The following RYR2 variants were observed in gnomAD, a reference collection of about 807,000 sequenced individuals.
RYR2 encodes ryanodine receptor 2, also known as cardiac muscle ryanodine receptor-calcium release channel.
A neutral mutation model predicts 601.1 loss-of-function variants in RYR2; 227 were observed. That is an observed-to-expected ratio of 0.38 (90% CI 0.34 to 0.42). The LOEUF (loss-of-function observed/expected upper bound fraction) is 0.42. Among genes scored for constraint, RYR2 ranks in the 10% least tolerant of loss-of-function variants. RYR2 has a pLI of 1.00. For missense variants in RYR2, 4,646 were observed against 6,156.5 expected (o/e 0.75, Z 8.21); for synonymous variants, 2,223 against 2,175.1 (o/e 1.02, Z -0.61).
intron 24 of RYR2, among the ~76,000 whole-genome samples, chr1:237,513,209 G>A (rs151328931): frequency 8.0e-4 from 122 of 152,274 alleles, no homozygotes; most frequent in African/African-American, 2.7e-3. Context: ...ATAAAGGAAG[G>A]AATATAATTT....
chr1:237,454,393 GC>G lies in RYR2; in HGVS notation c.1297del (p.Asp434MetfsTer16). The stretch of plus-strand genomic sequence containing the variant: ...GAAATGTTTATGGTTTATTTTAGGG[GC>G]CTTGATGCTCTCAGCAAGAAAGCGA... ...TVFLFNRFIR[G>X]LDALSKKAKA... On this transcript the variant is annotated frameshift_variant, in exon 15 of 105. Transcript: ENST00000366574. LOFTEE classifies it high-confidence loss of function. The G allele has an allele frequency of 6.2e-7, 1 of 1,603,292 alleles. No individual in the cohort carries two copies. The highest frequency in any genetic ancestry group is 8.5e-7 in the Non-Finnish European group (1 of 1,175,482).
chr1:237,464,744 A>G (rs1049087708), intron 16 of RYR2, among the ~76,000 whole-genome samples: 8 of 152,180 alleles, frequency 5.3e-5, no homozygotes, highest in African/African-American at 7.2e-5. Flanking sequence ...GAATCATGCT[A>G]TCAATGTTCT....
intron 29 of RYR2, among the ~76,000 whole-genome samples, chr1:237,573,892 C>T (rs559427090): frequency 9.2e-5 from 14 of 152,148 alleles, no homozygotes; most frequent in African/African-American, 3.4e-4. Flanking sequence ...GGGACTGCAG[C>T]AGCCCTCAGG....
At chr1:237,257,130 T>C (rs1163266361) in intron 1 of RYR2, among the ~76,000 whole-genome samples, 2 of 152,224 alleles carry the variant, frequency 1.3e-5, no homozygotes, top group Admixed American at 1.3e-4. Flanking sequence ...TGTCTTTTAA[T>C]GCAGTGATTT....
rs560549123 is a variant in RYR2, at chr1:237,456,798, T to G, written c.1612+63T>G. ...CTATTTAAAATGTCCATAAATGGACTAGGTGTGATGGCTCATGCCTGTAAT... is the reference window on the plus strand; with the variant it reads ...CTATTTAAAATGTCCATAAATGGACGAGGTGTGATGGCTCATGCCTGTAAT... On this transcript the variant is annotated intron_variant, in intron 16 of 104. Transcript: ENST00000366574. 1.0e-5 allele frequency: 16 copies of G among 1,536,572 alleles called. No individual in the cohort carries two copies. In the African/African-American group the frequency reaches 1.9e-4, roughly 18 times the overall value.
At chr1:237,478,298 A>G (rs919285790) in intron 17 of RYR2, among the ~76,000 whole-genome samples, 2 of 152,168 alleles carry the variant, frequency 1.3e-5, no homozygotes, top group African/African-American at 4.8e-5. Flanking sequence ...CGTTTATATA[A>G]TAGCTGTATG....
At chr1:237,500,949 A>G (rs1664572169) in intron 21 of RYR2, 46 bp downstream of exon 21, 1 of 1,542,092 alleles carries the variant, frequency 6.5e-7, no homozygotes, top group Non-Finnish European at 9.0e-7. Context: ...CTCATTTCTC[A>G]TACCTCCACA....
chr1:237,692,139 G>T (rs1035267063), intron 63 of RYR2, among the ~76,000 whole-genome samples: 38 of 152,078 alleles, frequency 2.5e-4, no homozygotes, highest in African/African-American at 8.9e-4. Flanking sequence ...TGCCTTAAAG[G>T]CTTTCTTTTT....
In RYR2 at chr1:237,687,317, G is replaced by A. The variant is rs953517048; in HGVS notation, c.9018-138G>A. 41 of 612,996 alleles carry A rather than the reference G, an allele frequency of 6.7e-5. No homozygotes were observed. In the African/African-American group the frequency reaches 7.2e-4, roughly 11 times the overall value. 38.0% of individuals were successfully genotyped at this position (612,996 alleles called of 1,614,324 possible). A position where few individuals can be genotyped will look rare whatever the true frequency, so the allele number is the denominator to read the frequency against. On this transcript the variant is annotated intron_variant, in intron 62 of 104. Coordinates refer to ENST00000366574, the MANE Select transcript of RYR2 (RefSeq NM_001035.3). Reference sequence around the variant, plus strand: ...GATTCTTTCTGCGTGACATCATGTTGCTTTTTTCCGGCTCATATATCAGCT... The same window carrying A: ...GATTCTTTCTGCGTGACATCATGTTACTTTTTTCCGGCTCATATATCAGCT...
chr1:237,636,136 T>G (rs984039598), intron 44 of RYR2, among the ~76,000 whole-genome samples: 2 of 151,572 alleles, frequency 1.3e-5, no homozygotes, highest in Admixed American at 6.6e-5. Context: ...TTATTTATAT[T>G]TATAGAAACT....
intron 1 of RYR2, among the ~76,000 whole-genome samples, chr1:237,053,407 G>GTCA (rs1661532754): frequency 6.6e-6 from 1 of 152,158 alleles, no homozygotes; most frequent in Non-Finnish European, 1.5e-5. Flanking sequence ...GACAGGGAAG[G>GTCA]GGCCATCATC....
chr1:237,685,650 A>G (rs576154624), intron 62 of RYR2, among the ~76,000 whole-genome samples: 3 of 152,350 alleles, frequency 2.0e-5, no homozygotes, highest in African/African-American at 7.2e-5. Context: ...TATTCTCTTT[A>G]GAAAAAGGCA....
intron 59 of RYR2, 62 bp from the exon 60 acceptor site, chr1:237,674,669 A>G: frequency 1.2e-6 from 1 of 832,262 alleles, no homozygotes; most frequent in Non-Finnish European, 2.1e-6. Flanking sequence ...ACACACACAC[A>G]ATTTTACCTT....
chr1:237,632,480 C>CACCT lies in RYR2; in HGVS notation c.6555+939_6555+940insACCT, dbSNP rs545790527. On this transcript the variant is annotated intron_variant, in intron 42 of 104. Coordinates refer to ENST00000366574, the MANE Select transcript of RYR2 (RefSeq NM_001035.3). ...CGTGATCTCAGCTCACTGCAACCTC[C>CACCT]GCCTCCCAGGTTCACTACATTCTCC... Among the ~76,000 whole-genome samples, 1,410 of 151,482 alleles carry CACCT rather than the reference C, an allele frequency of 9.3e-3. 26 individuals carry two copies. Among genetic ancestry groups the CACCT allele is most frequent in the African/African-American group, 0.033 (1,361 of 41,294 alleles).
Position 237,185,181 on chromosome 1 carries a change from G to A in RYR2, c.49-85316G>A, listed in dbSNP as rs139808541. The stretch of plus-strand genomic sequence containing the variant: ...ACGCCTGGCTAATTTTTTATTTTTT[G>A]TAGAGATACAGTCTCACTATGTTGC... On this transcript the variant is annotated intron_variant, in intron 1 of 104. Coordinates refer to ENST00000366574, the MANE Select transcript of RYR2 (RefSeq NM_001035.3). Among the ~76,000 whole-genome samples, 7 of 151,628 alleles carry A rather than the reference G, an allele frequency of 4.6e-5. No individual in the cohort carries two copies. In the East Asian group the frequency reaches 1.2e-3, roughly 25 times the overall value.
At chr1:237,335,981 A>G (rs1697208129) in intron 3 of RYR2, among the ~76,000 whole-genome samples, 1 of 152,194 alleles carries the variant, frequency 6.6e-6, no homozygotes, top group Non-Finnish European at 1.5e-5. Flanking sequence ...TGCTTTTTCA[A>G]CATTTATAAG....
chr1:237,198,360 G>A (rs1375518585), intron 1 of RYR2, among the ~76,000 whole-genome samples: 1 of 151,774 alleles, frequency 6.6e-6, no homozygotes. Context: ...GTGGTGTGCG[G>A]TGTTATAAAA....
intron 70 of RYR2, among the ~76,000 whole-genome samples, chr1:237,711,496 G>A (rs1297314310): frequency 6.6e-6 from 1 of 152,150 alleles, no homozygotes; most frequent in Non-Finnish European, 1.5e-5. Flanking sequence ...ATGTGATCTT[G>A]CAATGAAATT....
intron 35 of RYR2, among the ~76,000 whole-genome samples, chr1:237,606,180 A>G (rs1001165227): frequency 2.0e-5 from 3 of 152,152 alleles, no homozygotes; most frequent in African/African-American, 4.8e-5. Context: ...CTACAAGGCT[A>G]CAGTAACCAA....
Sources: gnomAD v4.1 joint callset for allele counts (sites outside exome capture counted in the v4.1 genomes callset) on GRCh38, gnomAD v4.1.1 for gene constraint, MANE v1.5 for transcripts, NCBI Gene and HGNC (gene_info 2026-07-23, HGNC 2026-07-21) for gene names.